MAGI1: variants seen among roughly 807,000 people sequenced by gnomAD.
The protein encoded by MAGI1 is membrane associated guanylate kinase, WW and PDZ domain containing 1.
A neutral mutation model predicts 139.9 loss-of-function variants in MAGI1; 58 were observed. That is an observed-to-expected ratio of 0.41 (90% CI 0.34 to 0.52). The LOEUF (loss-of-function observed/expected upper bound fraction) is 0.52. MAGI1 is among the 20% of genes least tolerant of loss of function. The pLI, the probability that MAGI1 is intolerant of heterozygous loss-of-function variation, is 0.12. For missense variants in MAGI1, 1,874 were observed against 1,901.6 expected (o/e 0.99, Z 0.27); for synonymous variants, 812 against 737.9 (o/e 1.10, Z -1.63).
chr3:65,898,042 G>A (rs549164000), intron 1 of MAGI1, among the ~76,000 whole-genome samples: 54 of 152,252 alleles, frequency 3.5e-4, no homozygotes, highest in African/African-American at 9.9e-4. Flanking sequence ...TTTAACTCAA[G>A]ATACAGCCAT....
At chr3:65,866,405 C>T (rs1160670101) in intron 1 of MAGI1, among the ~76,000 whole-genome samples, 1 of 146,274 alleles carries the variant, frequency 6.8e-6, no homozygotes, top group East Asian at 2.0e-4. Flanking sequence ...AAAGCAGTAA[C>T]AGAAAAAGGA....
Position 65,355,831 on chromosome 3 carries a change from GCTTA to G in MAGI1, c.*543_*546del, listed in dbSNP as rs1356406601. 1.3e-5 allele frequency: 2 copies of G among 152,662 alleles called. No homozygotes were observed. The highest frequency in any genetic ancestry group is 2.9e-5 in the Non-Finnish European group (2 of 68,064). 9.5% of individuals were successfully genotyped at this position (152,662 alleles called of 1,614,324 possible). The stretch of plus-strand genomic sequence containing the variant: ...CAATAGTAGTCTTGTCATACAGTTT[GCTTA>G]CTTTTAGGATCATCGGCAAACCTAA... On this transcript the variant is annotated 3_prime_UTR_variant, in exon 23 of 23. Coordinates refer to ENST00000402939, the MANE Select transcript of MAGI1 (RefSeq NM_001033057.2).
intron 1 of MAGI1, among the ~76,000 whole-genome samples, chr3:65,740,078 T>G (rs1246388974): frequency 1.3e-5 from 2 of 152,204 alleles, no homozygotes; most frequent in African/African-American, 2.4e-5. Flanking sequence ...TTTCAAGCAC[T>G]AGTTTATCTG....
At chr3:65,777,237 G>A (rs1194325063) in intron 1 of MAGI1, among the ~76,000 whole-genome samples, 1 of 152,150 alleles carries the variant, frequency 6.6e-6, no homozygotes, top group Non-Finnish European at 1.5e-5. Context: ...CCTCAGAGAA[G>A]TTCCTTAGCC....
intron 1 of MAGI1, among the ~76,000 whole-genome samples, chr3:65,929,585 G>C (rs376668063): frequency 1.3e-5 from 2 of 152,028 alleles, no homozygotes; most frequent in Admixed American, 6.6e-5. Context: ...CACCCACCTC[G>C]GCCTCCCAAA....
intron 1 of MAGI1, among the ~76,000 whole-genome samples, chr3:65,655,607 C>T (rs749552805): frequency 2.0e-5 from 3 of 152,122 alleles, no homozygotes; most frequent in East Asian, 3.9e-4. Flanking sequence ...AATTTATTGC[C>T]GGACAGTGCT....
At chr3:65,565,481 T>C (rs2080572098) in intron 2 of MAGI1, among the ~76,000 whole-genome samples, 1 of 152,178 alleles carries the variant, frequency 6.6e-6, no homozygotes. Flanking sequence ...AGTCAGTGTT[T>C]TGAGTGACTT....
In MAGI1 at chr3:65,997,418, A is replaced by G. The variant is rs2066505894; in HGVS notation, c.313+40578T>C. On this transcript the variant is annotated intron_variant, in intron 1 of 22. Coordinates refer to ENST00000402939, the MANE Select transcript of MAGI1 (RefSeq NM_001033057.2). ...ACGCCTGTAATCCCAGCACTTTGGG[A>G]GGCTGAGGCAGGTGGATCACGAGGT... is the stretch of plus-strand genomic sequence containing the variant. Among the ~76,000 whole-genome samples, 4 of 152,336 alleles carry G rather than the reference A, an allele frequency of 2.6e-5. No individual in the cohort carries two copies. The South Asian group carries it at 8.3e-4, about 32-fold the overall frequency.
At chr3:65,969,039 G>A (rs1403827077) in intron 1 of MAGI1, among the ~76,000 whole-genome samples, 1 of 152,200 alleles carries the variant, frequency 6.6e-6, no homozygotes, top group African/African-American at 2.4e-5. Flanking sequence ...TTTAGCAAAA[G>A]GCTAACACTC....
chr3:65,731,149 G>A (rs536443663), intron 1 of MAGI1, among the ~76,000 whole-genome samples: 1 of 152,038 alleles, frequency 6.6e-6, no homozygotes, highest in Non-Finnish European at 1.5e-5. Context: ...TTTAATGACT[G>A]GTATATAAGT....
chr3:65,744,127 G>C (rs2035498936), intron 1 of MAGI1, among the ~76,000 whole-genome samples: 1 of 152,132 alleles, frequency 6.6e-6, no homozygotes, highest in Non-Finnish European at 1.5e-5. Context: ...CTCCCTAATA[G>C]AGAAAAACAG....
At chr3:65,840,882 C>T (rs2058780831) in intron 1 of MAGI1, among the ~76,000 whole-genome samples, 2 of 152,110 alleles carry the variant, frequency 1.3e-5, no homozygotes, top group Admixed American at 1.3e-4. Context: ...CTTTTTTAGA[C>T]ATTTGCTACA....
chr3:65,508,511 T>C (rs1035975493), intron 2 of MAGI1, among the ~76,000 whole-genome samples: 15 of 152,300 alleles, frequency 9.8e-5, no homozygotes, highest in African/African-American at 2.4e-4. Flanking sequence ...TAGAATCTAA[T>C]AGAAATTGGG....
chr3:65,418,823 C>G (rs1383067182), intron 12 of MAGI1, among the ~76,000 whole-genome samples: 1 of 152,236 alleles, frequency 6.6e-6, no homozygotes, highest in Non-Finnish European at 1.5e-5. Flanking sequence ...CCTCTCCAGC[C>G]CGACTGCATT....
chr3:65,969,304 C>A (rs1326774457), intron 1 of MAGI1, among the ~76,000 whole-genome samples: 1 of 152,164 alleles, frequency 6.6e-6, no homozygotes, highest in Non-Finnish European at 1.5e-5. Context: ...AGTTATTTCT[C>A]AAGTTTGGAA....
At chr3:65,983,251 A>G (rs1445289694) in intron 1 of MAGI1, among the ~76,000 whole-genome samples, 1 of 152,238 alleles carries the variant, frequency 6.6e-6, no homozygotes, top group African/African-American at 2.4e-5. Context: ...ATATGTGCAT[A>G]TAATTTATTT....
intron 6 of MAGI1, among the ~76,000 whole-genome samples, chr3:65,451,300 ATT>A (rs1285847698): frequency 1.3e-5 from 2 of 152,222 alleles, no homozygotes; most frequent in Non-Finnish European, 2.9e-5. Flanking sequence ...CAAAAGGGAT[ATT>A]GACATTGAAG....
At chr3:65,998,709 T>TTTACCCTTTCCTTTCC (rs1419294155) in intron 1 of MAGI1, among the ~76,000 whole-genome samples, 1 of 152,146 alleles carries the variant, frequency 6.6e-6, no homozygotes. Flanking sequence ...TTTCTTTTTT[T>TTTACCCTTTCCTTTCC]TTACCCTTTC....
intron 1 of MAGI1, among the ~76,000 whole-genome samples, chr3:65,828,352 A>G (rs964951805): frequency 5.3e-5 from 8 of 152,182 alleles, no homozygotes; most frequent in African/African-American, 1.4e-4. Context: ...CTATCCCACA[A>G]TAAGATTTCT....
Sources: gnomAD v4.1 joint callset for allele counts (sites outside exome capture counted in the v4.1 genomes callset) on GRCh38, gnomAD v4.1.1 for gene constraint, MANE v1.5 for transcripts, NCBI Gene and HGNC (gene_info 2026-07-23, HGNC 2026-07-21) for gene names.